Variants in NFIX observed in about 807,000 individuals in gnomAD.
NFIX encodes nuclear factor I X.
NFIX carries 2 observed loss-of-function variants against 53.3 expected under a neutral mutation model. The observed-to-expected ratio is 0.04, with a 90% CI of 0.02 to 0.12. The LOEUF (loss-of-function observed/expected upper bound fraction) is 0.12, where lower values mean the gene tolerates loss of function less well. Ranked by LOEUF, NFIX falls within the 10% of genes least tolerant of loss-of-function variation. The probability of loss-of-function intolerance (pLI) is 1.00; values close to 1 mark genes in which losing one functional copy is unlikely to be tolerated. For missense variants in NFIX, 310 were observed against 674.5 expected (o/e 0.46, Z 5.99); for synonymous variants, 244 against 289.0 (o/e 0.84, Z 1.58).
chr19:13,027,320 T>A lies in NFIX; in HGVS notation c.559+1768T>A, dbSNP rs531548022. Among the ~76,000 whole-genome samples, 42 of 152,280 alleles carry A rather than the reference T, an allele frequency of 2.8e-4. No homozygotes were observed. Among genetic ancestry groups the A allele is most frequent in the Non-Finnish European group, 3.1e-4 (21 of 68,020 alleles). On this transcript the variant is annotated intron_variant, in intron 2 of 10. Coordinates refer to ENST00000592199, the MANE Select transcript of NFIX (RefSeq NM_001365902.3). This position sits in a 1 kb window ranked among gnomAD's most constrained non-coding sequence, Gnocchi z 4.3. ...TGAATTTTTTCTTTTGTCTTTTTTCTTTTTGGAAAACAGACTGAGAGGGAA... is the reference window on the plus strand; with the variant it reads ...TGAATTTTTTCTTTTGTCTTTTTTCATTTTGGAAAACAGACTGAGAGGGAA...
intron 2 of NFIX, among the ~76,000 whole-genome samples, chr19:13,056,138 C>A (rs1032087214): frequency 6.6e-6 from 1 of 152,208 alleles, no homozygotes; most frequent in Non-Finnish European, 1.5e-5. Context: ...CCCCAGCCAA[C>A]TTTGCTGCCG....
rs555539806 is a variant in NFIX at position 13,067,876 on chromosome 19, C to T, written c.560-5171C>T. 7.5e-4 allele frequency among the ~76,000 whole-genome samples: 114 copies of T among 152,088 alleles called. No homozygotes were observed. Among genetic ancestry groups the T allele is most frequent in the Non-Finnish European group, 1.4e-3 (95 of 67,986 alleles). On this transcript the variant is annotated intron_variant, in intron 2 of 10. Coordinates refer to ENST00000592199, the MANE Select transcript of NFIX (RefSeq NM_001365902.3). This position sits in a 1 kb window ranked among gnomAD's most constrained non-coding sequence, Gnocchi z 4.2. ...ATCCCAGCACTTTGGGAGGCTGAGA[C>T]GGGCGGATCACCAGGTCAGGAGATC...
chr19:13,078,832 G>A lies in NFIX; in HGVS notation c.1078+97G>A, dbSNP rs2017281612. On this transcript the variant is annotated intron_variant, in intron 7 of 10. Transcript: ENST00000592199. The surrounding 1 kb of genome is among the most constrained non-coding windows in gnomAD (Gnocchi z 4.7). Reference sequence around the variant, plus strand: ...GAAGGGGCCAGAGCTGACCCCGAGTGACAGCCCCACGCTCTCCAAGTGGGC... The same window carrying A: ...GAAGGGGCCAGAGCTGACCCCGAGTAACAGCCCCACGCTCTCCAAGTGGGC... 7.2e-7 allele frequency: 1 copy of A among 1,390,042 alleles called. No homozygotes were observed. The highest frequency in any genetic ancestry group is 9.7e-7 in the Non-Finnish European group (1 of 1,032,276). 86.1% of individuals were successfully genotyped at this position (1,390,042 alleles called of 1,614,324 possible).
chr19:13,090,169 C>A lies in NFIX; in HGVS notation c.1403-130C>A. On this transcript the variant is annotated intron_variant, in intron 9 of 10. Transcript: ENST00000592199. This position sits in a 1 kb window ranked among gnomAD's most constrained non-coding sequence, Gnocchi z 6.6. ...AGATGCCCCTCTGGCCCATCCTTCC[C>A]ACTGCCAGCCTAAACTCGGGCAGCA... 1.2e-6 allele frequency: 1 copy of A among 852,242 alleles called. No homozygotes were observed. Among genetic ancestry groups the A allele is most frequent in the East Asian group, 2.5e-5 (1 of 40,144 alleles). 52.8% of individuals were successfully genotyped at this position (852,242 alleles called of 1,614,324 possible).
Position 13,090,180 on chromosome 19 carries a change from TA to T in NFIX, c.1403-116del. ...TGGCCCATCCTTCCCACTGCCAGCC[TA>T]AACTCGGGCAGCATGGTCTAACTCA... On this transcript the variant is annotated intron_variant, in intron 9 of 10. Coordinates refer to ENST00000592199, the MANE Select transcript of NFIX (RefSeq NM_001365902.3). The surrounding 1 kb of genome is among the most constrained non-coding windows in gnomAD (Gnocchi z 6.6). 1 of 962,446 alleles carries T rather than the reference TA, an allele frequency of 1.0e-6. No individual in the cohort carries two copies. The highest frequency in any genetic ancestry group is 1.7e-6 in the Non-Finnish European group (1 of 603,540). The allele number at this position is 962,446 out of a possible 1,614,324, so 59.6% of individuals were successfully genotyped here. A position where few individuals can be genotyped will look rare whatever the true frequency, so the allele number is the denominator to read the frequency against.
intron 2 of NFIX, among the ~76,000 whole-genome samples, chr19:13,058,062 C>G (rs994837768): frequency 2.0e-5 from 3 of 152,074 alleles, no homozygotes; most frequent in Non-Finnish European, 4.4e-5. Context: ...CAGGACAGTA[C>G]AGCTACAAGT....
At chr19:13,086,611 C>G (rs2017793876) in intron 8 of NFIX, among the ~76,000 whole-genome samples, 1 of 152,184 alleles carries the variant, frequency 6.6e-6, no homozygotes, top group Non-Finnish European at 1.5e-5. Flanking sequence ...CTCCACCCAG[C>G]CCCTCCAGCC....
intron 1 of NFIX, among the ~76,000 whole-genome samples, chr19:13,000,637 G>A (rs1365270294): frequency 1.3e-5 from 2 of 152,080 alleles, no homozygotes; most frequent in East Asian, 3.9e-4. Context: ...CTGAGTCCTG[G>A]TATAAGAGTA....
chr19:13,092,835 GCCTGGGTTT>G (rs1211158464), intron 10 of NFIX, among the ~76,000 whole-genome samples: 1 of 152,234 alleles, frequency 6.6e-6, no homozygotes, highest in African/African-American at 2.4e-5. Context: ...GATGCCTCAG[GCCTGGGTTT>G]CCGCCTTAGC....
chr19:13,063,474 CTCTT>C (rs2016217652), intron 2 of NFIX, among the ~76,000 whole-genome samples: 1 of 143,178 alleles, frequency 7.0e-6, no homozygotes, highest in South Asian at 2.5e-4. Context: ...GAAAGTTTTC[CTCTT>C]TCTGTTTTTT....
rs1335986049 is a variant in NFIX at position 13,045,551 on chromosome 19, G to A, written c.559+19999G>A. 6.6e-6 allele frequency among the ~76,000 whole-genome samples: 1 copy of A among 152,184 alleles called. No homozygotes were observed. The highest frequency in any genetic ancestry group is 1.5e-5 in the Non-Finnish European group (1 of 68,018). ...GGCCAAGGAAAGGAACGGCAGCAGG[G>A]CAAGCCAGGCCCAAGGAGGGCTCTA... On this transcript the variant is annotated intron_variant, in intron 2 of 10. Coordinates refer to ENST00000592199, the MANE Select transcript of NFIX (RefSeq NM_001365902.3). The surrounding 1 kb of genome is among the most constrained non-coding windows in gnomAD (Gnocchi z 4.4).
rs753000472 is a variant in NFIX at position 13,067,463 on chromosome 19, CGTGTGT to C, written c.560-5570_560-5565del. On this transcript the variant is annotated intron_variant, in intron 2 of 10. Transcript: ENST00000592199. This position sits in a 1 kb window ranked among gnomAD's most constrained non-coding sequence, Gnocchi z 4.2. ...AGTGGCACCTCCGTGTGTGTGCGCG[CGTGTGT>C]GTGTGTGTGTGTGCGTGTGTGTGTG... Among the ~76,000 whole-genome samples the C allele has an allele frequency of 9.9e-5, 13 of 131,092 alleles. No individual in the cohort carries two copies. Among genetic ancestry groups the C allele is most frequent in the South Asian group, 2.4e-4 (1 of 4,244 alleles). 86.0% of individuals were successfully genotyped at this position (131,092 alleles called of 152,430 possible). A position where few individuals can be genotyped will look rare whatever the true frequency, so the allele number is the denominator to read the frequency against.
Position 13,006,252 on chromosome 19 carries a change from C to T in NFIX, c.27+10388C>T, listed in dbSNP as rs1011918318. ...CTCATGGTGAGATGATGATTTTGAA[C>T]GCTGCCTTGCTATAGCTCAAGTGCA... On this transcript the variant is annotated intron_variant, in intron 1 of 10. Transcript: ENST00000592199. This position sits in a 1 kb window ranked among gnomAD's most constrained non-coding sequence, Gnocchi z 5.6. Among the ~76,000 whole-genome samples, 18 of 152,256 alleles carry T rather than the reference C, an allele frequency of 1.2e-4. No individual in the cohort carries two copies. The highest frequency in any genetic ancestry group is 7.8e-4 in the Admixed American group (12 of 15,296).
rs1309408999 is a variant in NFIX, at chr19:13,025,699, A to G, written c.559+147A>G. 1.0e-5 allele frequency: 9 copies of G among 890,270 alleles called. No homozygotes were observed. The highest frequency in any genetic ancestry group is 1.3e-5 in the Non-Finnish European group (8 of 599,662). 55.1% of individuals were successfully genotyped at this position (890,270 alleles called of 1,614,324 possible). A position where few individuals can be genotyped will look rare whatever the true frequency, so the allele number is the denominator to read the frequency against. ...CCTGCGGGGCCTGCAACACGGTTCTATGGGCCCTTTTCCTTTTTCCTGTCT... is the reference window on the plus strand; with the variant it reads ...CCTGCGGGGCCTGCAACACGGTTCTGTGGGCCCTTTTCCTTTTTCCTGTCT... On this transcript the variant is annotated intron_variant, in intron 2 of 10. Coordinates refer to ENST00000592199, the MANE Select transcript of NFIX (RefSeq NM_001365902.3). The surrounding 1 kb of genome is among the most constrained non-coding windows in gnomAD (Gnocchi z 7.5).
At chr19:13,053,271 T>C (rs1174721242) in intron 2 of NFIX, among the ~76,000 whole-genome samples, 1 of 152,158 alleles carries the variant, frequency 6.6e-6, no homozygotes, top group Non-Finnish European at 1.5e-5. Flanking sequence ...TTGACTTTAC[T>C]CTCTATCCCC....
Position 12,995,823 on chromosome 19 carries a change from C to T in NFIX, c.-15C>T, listed in dbSNP as rs1233425428. 1 of 998,522 alleles carries T rather than the reference C, an allele frequency of 1.0e-6. No homozygotes were observed. The highest frequency in any genetic ancestry group is 1.2e-6 in the Non-Finnish European group (1 of 841,092). The allele number at this position is 998,522 out of a possible 1,614,324, so 61.9% of individuals were successfully genotyped here. A position where few individuals can be genotyped will look rare whatever the true frequency, so the allele number is the denominator to read the frequency against. On this transcript the variant is annotated 5_prime_UTR_variant, in exon 1 of 11. Coordinates refer to ENST00000592199, the MANE Select transcript of NFIX (RefSeq NM_001365902.3). The stretch of plus-strand genomic sequence containing the variant: ...GCCGCGGCCGGCCGCCGCGCTCCCG[C>T]CCGGGCGCCCAGCTATGTACTCCCC...
rs2018077510 is a variant in NFIX, at chr19:13,090,648, C to G, written c.1494+258C>G. 1.3e-5 allele frequency among the ~76,000 whole-genome samples: 2 copies of G among 152,236 alleles called. No homozygotes were observed. Among genetic ancestry groups the G allele is most frequent in the African/African-American group, 4.8e-5 (2 of 41,462 alleles). The stretch of plus-strand genomic sequence containing the variant: ...GCCCTGGGGAAGGCGGCCAAGGACC[C>G]AAGTCTAGAGGCCCTCTGGGCCAGG... On this transcript the variant is annotated intron_variant, in intron 10 of 10. Transcript: ENST00000592199. The surrounding 1 kb of genome is among the most constrained non-coding windows in gnomAD (Gnocchi z 6.6).
chr19:13,039,116 C>G (rs1223202486), intron 2 of NFIX, among the ~76,000 whole-genome samples: 1 of 152,074 alleles, frequency 6.6e-6, no homozygotes, highest in Admixed American at 6.5e-5. Flanking sequence ...AGGACAATGG[C>G]CAGATTTCTC....
chr19:13,019,726 TG>T (rs1342284972), intron 1 of NFIX, among the ~76,000 whole-genome samples: 65 of 142,660 alleles, frequency 4.6e-4, no homozygotes, highest in African/African-American at 1.6e-3. Context: ...TTTTTTTGTT[TG>T]TTTGTTTTTT....
Sources: gnomAD v4.1 joint callset for allele counts (sites outside exome capture counted in the v4.1 genomes callset) on GRCh38, gnomAD v4.1.1 for gene constraint, Gnocchi (gnomAD v3.1) non-coding constraint, MANE v1.5 for transcripts, NCBI Gene and HGNC (gene_info 2026-07-23, HGNC 2026-07-21) for gene names.